RELN: variants seen among roughly 807,000 people sequenced by gnomAD.
RELN encodes the protein reelin.
Under a neutral mutation model 427.6 loss-of-function variants are expected in RELN, and 108 were observed. The ratio of observed to expected loss-of-function variants is 0.25; its 90% CI spans 0.22 to 0.30. RELN has a LOEUF of 0.30. Among genes scored for constraint, RELN ranks in the 10% least tolerant of loss-of-function variants. The pLI, the probability that RELN is intolerant of heterozygous loss-of-function variation, is 1.00. For synonymous variants in RELN, 1,524 were observed against 1,513.4 expected, an observed-to-expected ratio of 1.01 and a Z score of -0.16; for missense variants, 3,715 against 4,302.8, an observed-to-expected ratio of 0.86 and a Z score of 3.82.
intron 8 of RELN, among the ~76,000 whole-genome samples, chr7:103,712,852 G>C (rs1206981804): frequency 6.6e-6 from 1 of 151,654 alleles, no homozygotes; most frequent in African/African-American, 2.4e-5. Flanking sequence ...TTGGTGTTTA[G>C]TCTCTCAAGT....
intron 6 of RELN, among the ~76,000 whole-genome samples, chr7:103,731,359 G>C (rs1790348816): frequency 6.6e-6 from 1 of 152,074 alleles, no homozygotes; most frequent in African/African-American, 2.4e-5. Context: ...ATGCAGAAAG[G>C]CAGCAAAGGA....
chr7:103,577,491 T>C (rs1010961223), intron 28 of RELN, among the ~76,000 whole-genome samples: 3 of 151,426 alleles, frequency 2.0e-5, no homozygotes, highest in African/African-American at 7.3e-5. Context: ...ATTTGAAATA[T>C]ATTGATCTTA....
At chr7:103,930,769 C>A (rs1219525777) in intron 1 of RELN, among the ~76,000 whole-genome samples, 1 of 152,082 alleles carries the variant, frequency 6.6e-6, no homozygotes, top group Non-Finnish European at 1.5e-5. Flanking sequence ...TGCCCAGCCC[C>A]ATAACACATC....
chr7:103,864,318 C>T (rs1429809001), intron 2 of RELN, among the ~76,000 whole-genome samples: 2 of 152,042 alleles, frequency 1.3e-5, no homozygotes, highest in Admixed American at 1.3e-4. Flanking sequence ...ACGAGGTCCA[C>T]CCTCTTTAAC....
chr7:103,626,286 C>T lies in RELN; in HGVS notation c.2702+3654G>A, dbSNP rs1832327108. 6.6e-6 allele frequency among the ~76,000 whole-genome samples: 1 copy of T among 152,078 alleles called. No homozygotes were observed. Among genetic ancestry groups the T allele is most frequent in the Non-Finnish European group, 1.5e-5 (1 of 67,964 alleles). ...GACCTCAAAGCCTATGTTTCTACCA[C>T]ACCATATTTCCTAAAAACAATTGCC... On this transcript the variant is annotated intron_variant, in intron 20 of 64. Coordinates refer to ENST00000428762, the MANE Select transcript of RELN (RefSeq NM_005045.4). The surrounding 1 kb of genome is among the most constrained non-coding windows in gnomAD (Gnocchi z 4.4).
chr7:103,749,626 G>A (rs963274075), intron 5 of RELN, 122 bp from the exon 6 acceptor site: 11 of 746,164 alleles, frequency 1.5e-5, no homozygotes, highest in Middle Eastern at 3.8e-4. Flanking sequence ...TTTTAAATGA[G>A]CAGTTGATTA....
intron 46 of RELN, among the ~76,000 whole-genome samples, chr7:103,529,144 A>T (rs992632322): frequency 5.3e-5 from 8 of 152,022 alleles, no homozygotes; most frequent in Admixed American, 6.6e-5. Context: ...CAAAAAAAAA[A>T]AAAGTCCTCT....
At chr7:103,739,265 T>C (rs1346512317) in intron 6 of RELN, among the ~76,000 whole-genome samples, 1 of 152,230 alleles carries the variant, frequency 6.6e-6, no homozygotes, top group Admixed American at 6.5e-5. Context: ...AAACTATGGA[T>C]ATGTAGTTGA....
In RELN at chr7:103,696,383, A is replaced by G. The variant is rs116374222; in HGVS notation, c.1143+1470T>C. ...TAAGGCTAATGATTGCCAAATTTGG[A>G]TCTTTCTCTGAGCTTCTCACCCAAA... On this transcript the variant is annotated intron_variant, in intron 10 of 64. Coordinates refer to ENST00000428762, the MANE Select transcript of RELN (RefSeq NM_005045.4). Among the ~76,000 whole-genome samples, 517 of 152,224 alleles carry G rather than the reference A, an allele frequency of 3.4e-3. 3 individuals are homozygous for G. Among genetic ancestry groups the G allele is most frequent in the African/African-American group, 0.012 (509 of 41,536 alleles).
chr7:103,762,043 TTTTCTTTA>T (rs902789604), intron 4 of RELN, among the ~76,000 whole-genome samples: 5 of 151,828 alleles, frequency 3.3e-5, no homozygotes, highest in African/African-American at 1.2e-4. Context: ...TCTATTCTTC[TTTTCTTTA>T]TTTCTTTATT....
chr7:103,703,967 T>C (rs903182120), intron 8 of RELN, among the ~76,000 whole-genome samples: 1 of 152,186 alleles, frequency 6.6e-6, no homozygotes, highest in Admixed American at 6.5e-5. Context: ...TTGGTAGTCA[T>C]AAACAAAATT....
At chr7:103,884,929 C>T (rs763172943) in intron 2 of RELN, among the ~76,000 whole-genome samples, 59 of 152,108 alleles carry the variant, frequency 3.9e-4, no homozygotes, top group Admixed American at 5.9e-4. Context: ...TCCCATCACT[C>T]GGTATATACC....
intron 1 of RELN, among the ~76,000 whole-genome samples, chr7:103,932,860 C>T (rs958878938): frequency 1.1e-4 from 16 of 152,280 alleles, no homozygotes; most frequent in African/African-American, 3.8e-4. Flanking sequence ...GCAGTGCACA[C>T]GGGCAGGAAG....
chr7:103,758,464 A>C (rs1204410342), intron 4 of RELN, among the ~76,000 whole-genome samples: 1 of 152,002 alleles, frequency 6.6e-6, no homozygotes, highest in African/African-American at 2.4e-5. Flanking sequence ...GGGTTTTTAA[A>C]AGCTTTTTTC....
At chr7:103,909,837 A>AAT (rs3073416) in intron 2 of RELN, among the ~76,000 whole-genome samples, 74,428 of 95,454 alleles carry the variant, frequency 0.78, 29,623 homozygotes, top group East Asian at 0.89. Flanking sequence ...ATATATATTT[A>AAT]ATATATATAT....
At chr7:103,733,530 G>A (rs1407123049) in intron 6 of RELN, among the ~76,000 whole-genome samples, 1 of 146,770 alleles carries the variant, frequency 6.8e-6, no homozygotes, top group Non-Finnish European at 1.5e-5. Flanking sequence ...GCAAAGACTT[G>A]GAACCAACAC....
intron 6 of RELN, among the ~76,000 whole-genome samples, chr7:103,739,759 G>C (rs1790592900): frequency 2.6e-5 from 4 of 152,202 alleles, no homozygotes; most frequent in African/African-American, 9.7e-5. Flanking sequence ...CACTTCCCTA[G>C]CAAAGCCCCA....
chr7:103,612,177 T>C (rs948327820), intron 20 of RELN, among the ~76,000 whole-genome samples: 4 of 152,214 alleles, frequency 2.6e-5, no homozygotes, highest in African/African-American at 9.6e-5. Flanking sequence ...TTACTGCTAA[T>C]AGTAATTGGT....
In RELN at chr7:103,698,105, A is replaced by G. The variant is rs199524868; in HGVS notation, c.903-12T>C. 37 of 1,613,534 alleles carry G rather than the reference A, an allele frequency of 2.3e-5. No individual in the cohort carries two copies. The highest frequency in any genetic ancestry group is 3.0e-5 in the Non-Finnish European group (35 of 1,179,694). The stretch of plus-strand genomic sequence containing the variant: ...CATTGGAAGGGGCTCTGGAACATAC[A>G]GAGAGATGGCAAGTTTAGCAATGCT... On this transcript the variant is annotated splice_polypyrimidine_tract_variant and intron_variant, in intron 9 of 64. Transcript: ENST00000428762.
Sources: allele counts gnomAD v4.1 joint callset (sites outside exome capture counted in the v4.1 genomes callset), GRCh38; gene constraint gnomAD v4.1.1; non-coding constraint Gnocchi (gnomAD v3.1); transcripts MANE v1.5; gene names NCBI Gene and HGNC (gene_info 2026-07-23, HGNC 2026-07-21).